Variants in INSR observed in about 807,000 individuals in gnomAD.
INSR encodes the protein IR.
In INSR, 67 loss-of-function variants were observed where a neutral mutation model predicts 142.6. The ratio of observed to expected loss-of-function variants is 0.47; its 90% CI spans 0.39 to 0.58. INSR has a LOEUF of 0.58. Ranked by LOEUF, INSR falls within the 20% of genes least tolerant of loss-of-function variation. The pLI is 0.00. For missense variants in INSR, 1,248 were observed against 1,833.2 expected (o/e 0.68, Z 5.83); for synonymous variants, 756 against 743.1 (o/e 1.02, Z -0.28).
At chr19:7,215,835 C>T (rs1209707626) in intron 2 of INSR, among the ~76,000 whole-genome samples, 5 of 151,410 alleles carry the variant, frequency 3.3e-5, no homozygotes, top group Non-Finnish European at 7.4e-5. Flanking sequence ...TCCCAAAGTG[C>T]TGGGATTACA....
intron 10 of INSR, 32 bp downstream of exon 10, chr19:7,152,694 C>T: frequency 6.3e-7 from 1 of 1,578,380 alleles, no homozygotes; most frequent in South Asian, 1.1e-5. Context: ...CCAATTGGCA[C>T]CCACTAAGAG....
chr19:7,265,457 T>C (rs373229273), intron 2 of INSR, among the ~76,000 whole-genome samples: 1 of 152,156 alleles, frequency 6.6e-6, no homozygotes. Flanking sequence ...AATTAAAATA[T>C]AGGCTGGGCG....
rs1973945413 is a variant in INSR, at chr19:7,168,776, T to C, written c.1484-682A>G. Among the ~76,000 whole-genome samples, 1 of 151,766 alleles carries C rather than the reference T, an allele frequency of 6.6e-6. No homozygotes were observed. Among genetic ancestry groups the C allele is most frequent in the East Asian group, 1.9e-4 (1 of 5,178 alleles). On this transcript the variant is annotated intron_variant, in intron 6 of 21. Coordinates refer to ENST00000302850, the MANE Select transcript of INSR (RefSeq NM_000208.4). The surrounding 1 kb of genome is among the most constrained non-coding windows in gnomAD (Gnocchi z 4.3). The stretch of plus-strand genomic sequence containing the variant: ...CACGTCCAGCTAGTTTTTGTATTTT[T>C]TTTTTTTAGTAGAGATGGAGTTTCA...
At chr19:7,206,354 G>T (rs1975103906) in intron 2 of INSR, among the ~76,000 whole-genome samples, 1 of 152,114 alleles carries the variant, frequency 6.6e-6, no homozygotes, top group African/African-American at 2.4e-5. Context: ...GGTATTTTTT[G>T]AGCAGACGGG....
chr19:7,233,925 A>C (rs1275767140), intron 2 of INSR, among the ~76,000 whole-genome samples: 1 of 150,710 alleles, frequency 6.6e-6, no homozygotes, highest in Non-Finnish European at 1.5e-5. Flanking sequence ...ATGTGCCCGC[A>C]TTCTGTCACA....
At chr19:7,260,009 T>TA (rs895378951) in intron 2 of INSR, among the ~76,000 whole-genome samples, 1 of 151,636 alleles carries the variant, frequency 6.6e-6, no homozygotes, top group African/African-American at 2.4e-5. Context: ...AATAAAAATG[T>TA]AAAAAAATAA....
At chr19:7,269,201 T>C (rs1600113751) in intron 1 of INSR, among the ~76,000 whole-genome samples, 1 of 130,412 alleles carries the variant, frequency 7.7e-6, no homozygotes. Flanking sequence ...AGAAGAATAG[T>C]AAATCCTCTA....
intron 2 of INSR, among the ~76,000 whole-genome samples, chr19:7,213,097 G>A (rs1219432783): frequency 6.6e-6 from 1 of 151,936 alleles, no homozygotes; most frequent in Non-Finnish European, 1.5e-5. Context: ...TGTAATCCCA[G>A]CACTTTGGGA....
At chr19:7,213,353 A>AAC (rs1975336874) in intron 2 of INSR, among the ~76,000 whole-genome samples, 1 of 148,622 alleles carries the variant, frequency 6.7e-6, no homozygotes, top group Non-Finnish European at 1.5e-5. Context: ...AAAAAAAAAA[A>AAC]AAAAAACAAA....
chr19:7,261,545 T>A lies in INSR; in HGVS notation c.652+5800A>T, dbSNP rs542987336. ...CCCCTAACCATTTTTTTTTCTTTTT[T>A]TAAAAAATGGAGTTTCACTCTGTCG... is the stretch of plus-strand genomic sequence containing the variant. On this transcript the variant is annotated intron_variant, in intron 2 of 21. Coordinates refer to ENST00000302850, the MANE Select transcript of INSR (RefSeq NM_000208.4). Among the ~76,000 whole-genome samples, 515 of 149,508 alleles carry A rather than the reference T, an allele frequency of 3.4e-3. 4 individuals are homozygous for A. The highest frequency in any genetic ancestry group is 0.012 in the African/African-American group (489 of 41,378).
chr19:7,272,437 G>A (rs886879144), intron 1 of INSR, among the ~76,000 whole-genome samples: 1 of 152,006 alleles, frequency 6.6e-6, no homozygotes, highest in African/African-American at 2.4e-5. Context: ...GGCCAACGTG[G>A]TGAAAACCTG....
chr19:7,210,056 C>T (rs1010365362), intron 2 of INSR, among the ~76,000 whole-genome samples: 18 of 151,852 alleles, frequency 1.2e-4, no homozygotes, highest in African/African-American at 4.4e-4. Context: ...TAAGGGAGAA[C>T]GCCAAGAGCC....
intron 20 of INSR, 69 bp downstream of exon 20, chr19:7,120,551 C>T (rs545788743): frequency 4.4e-5 from 71 of 1,597,516 alleles, no homozygotes; most frequent in African/African-American, 1.1e-4. Flanking sequence ...TTCCTTCCCC[C>T]GCTCTTGGCT....
chr19:7,130,729 T>C lies in INSR; in HGVS notation c.2842+1429A>G, dbSNP rs117470146. Among the ~76,000 whole-genome samples the C allele has an allele frequency of 2.6e-3, 403 of 152,148 alleles. 13 individuals are homozygous for C. The East Asian group carries it at 0.064, about 24-fold the overall frequency. On this transcript the variant is annotated intron_variant, in intron 14 of 21. Transcript: ENST00000302850. The stretch of plus-strand genomic sequence containing the variant: ...AGAACTGGGAGCCAATTAAACCTCT[T>C]TTCTTTATAAATTACTGAGTCCCAG...
intron 8 of INSR, among the ~76,000 whole-genome samples, chr19:7,164,750 C>T (rs374817088): frequency 1.0e-3 from 151 of 144,404 alleles, no homozygotes; most frequent in African/African-American, 3.6e-3. Flanking sequence ...CGCTTGAACC[C>T]GGGAGGCAGA....
chr19:7,241,045 A>G (rs1976323361), intron 2 of INSR, among the ~76,000 whole-genome samples: 1 of 152,204 alleles, frequency 6.6e-6, no homozygotes, highest in Admixed American at 6.5e-5. Flanking sequence ...CTGGAAGTTT[A>G]TGTACCAAAC....
At chr19:7,148,992 A>G (rs978551028) in intron 11 of INSR, among the ~76,000 whole-genome samples, 4 of 150,830 alleles carry the variant, frequency 2.7e-5, no homozygotes, top group East Asian at 2.0e-4. Flanking sequence ...ACGGGGTTTC[A>G]CCATCTTGGT....
At chr19:7,210,776 C>G (rs148728489) in intron 2 of INSR, among the ~76,000 whole-genome samples, 4 of 152,120 alleles carry the variant, frequency 2.6e-5, no homozygotes, top group Non-Finnish European at 4.4e-5. Flanking sequence ...GTGGCCCAGG[C>G]TGGAGTGCAG....
At chr19:7,244,002 A>C (rs918862743) in intron 2 of INSR, among the ~76,000 whole-genome samples, 1 of 152,214 alleles carries the variant, frequency 6.6e-6, no homozygotes, top group African/African-American at 2.4e-5. Flanking sequence ...ATGCTTCCAG[A>C]ACTGAGCAGA....
Sources: allele counts gnomAD v4.1 joint callset (sites outside exome capture counted in the v4.1 genomes callset), GRCh38; gene constraint gnomAD v4.1.1; non-coding constraint Gnocchi (gnomAD v3.1); transcripts MANE v1.5; gene names NCBI Gene and HGNC (gene_info 2026-07-23, HGNC 2026-07-21).